The following PTGDS variants were observed in gnomAD, a reference collection of about 807,000 sequenced individuals.
PTGDS encodes prostaglandin-H2 D-isomerase.
In PTGDS, 21 loss-of-function variants were observed where a neutral mutation model predicts 28.4. That is an observed-to-expected ratio of 0.74 (90% CI 0.52 to 1.07). The LOEUF is 1.07. PTGDS is among the 50% of genes least tolerant of loss of function. The pLI is 0.00. For synonymous variants in PTGDS, 102 were observed against 106.0 expected, an observed-to-expected ratio of 0.96 and a Z score of 0.23; for missense variants, 243 against 247.7, an observed-to-expected ratio of 0.98 and a Z score of 0.13.
intron 1 of PTGDS, chr9:136,978,778 G>A (rs1830411767): frequency 1.7e-6 from 1 of 580,064 alleles, no homozygotes; most frequent in South Asian, 1.9e-5. Context: ...CTGGGGCGGA[G>A]ATGTGAGGGG....
At chr9:136,980,990 CT>C in intron 6 of PTGDS, 135 bp downstream of exon 6, 2 of 1,318,666 alleles carry the variant, frequency 1.5e-6, no homozygotes, top group Non-Finnish European at 2.0e-6. Flanking sequence ...TTCCCGATGG[CT>C]GCAGTCCAGG....
intron 3 of PTGDS, chr9:136,979,696 C>T (rs1830424900): frequency 3.3e-6 from 2 of 606,798 alleles, no homozygotes; most frequent in South Asian, 1.9e-5. Context: ...GTTCTGGCAG[C>T]GACTTCTGCG....
intron 4 of PTGDS, 36 bp from the exon 5 acceptor site, chr9:136,980,147 C>A (rs936274105): frequency 1.2e-6 from 2 of 1,610,978 alleles, no homozygotes; most frequent in East Asian, 2.2e-5. Context: ...CAGCATCCCC[C>A]CCGCTGAGGC....
Position 136,979,148 on chromosome 9 carries a change from G to T in PTGDS, c.254+16G>T. On this transcript the variant is annotated intron_variant, in intron 2 of 6. Coordinates refer to ENST00000371625, the MANE Select transcript of PTGDS (RefSeq NM_000954.6). ...CCTTCCTCAGGTGGGACAGCGGGCAGGTGGGTTTCTGGGACGGAGAGGTCC... is the reference window on the plus strand; with the variant it reads ...CCTTCCTCAGGTGGGACAGCGGGCATGTGGGTTTCTGGGACGGAGAGGTCC... The T allele has an allele frequency of 6.2e-7, 1 of 1,612,998 alleles. No homozygotes were observed. The highest frequency in any genetic ancestry group is 8.5e-7 in the Non-Finnish European group (1 of 1,179,832).
intron 5 of PTGDS, 101 bp downstream of exon 5, chr9:136,980,385 C>T: frequency 7.7e-7 from 1 of 1,306,130 alleles, no homozygotes; most frequent in East Asian, 2.4e-5. Context: ...GTGGCCCCGC[C>T]CTGCTCGAGG....
intron 1 of PTGDS, 41 bp from the exon 2 acceptor site, chr9:136,978,952 G>C: frequency 5.0e-6 from 8 of 1,596,792 alleles, no homozygotes; most frequent in Non-Finnish European, 5.9e-6. Context: ...AGGTGGGTCC[G>C]GAGGGTCCTG....
chr9:136,980,307 G>T, intron 5 of PTGDS, 23 bp downstream of exon 5: 1 of 1,609,792 alleles, frequency 6.2e-7, no homozygotes, highest in South Asian at 1.1e-5. Flanking sequence ...AATCTGATGG[G>T]GAGAGGATCA....
chr9:136,979,550 C>T (rs1830423730), intron 3 of PTGDS: 1 of 1,198,086 alleles, frequency 8.3e-7, no homozygotes, highest in Non-Finnish European at 1.2e-6. Context: ...CTTCCCTGCC[C>T]TCTGGAGTTT....
Position 136,978,989 on chromosome 9 carries a change from G to T in PTGDS, c.115-4G>T. 1 of 1,605,978 alleles carries T rather than the reference G, an allele frequency of 6.2e-7. No individual in the cohort carries two copies. The highest frequency in any genetic ancestry group is 1.1e-5 in the South Asian group (1 of 90,838). On this transcript the variant is annotated splice_region_variant and splice_polypyrimidine_tract_variant and intron_variant, in intron 1 of 6. Transcript: ENST00000371625. ...CCGACGCGGGTGGGGGTCGCTCGCCGCAGTTCCTGGGGCGCTGGTTCAGCG... is the reference window on the plus strand; with the variant it reads ...CCGACGCGGGTGGGGGTCGCTCGCCTCAGTTCCTGGGGCGCTGGTTCAGCG...
In PTGDS at chr9:136,979,390, A is replaced by G. The variant is rs760651462; in HGVS notation, c.331+91A>G. ...GGCCAGCCCCCTGCCGCGGAGATCC[A>G]TGGGGTGGGAGGTGATGGCTGCCCC... On this transcript the variant is annotated intron_variant, in intron 3 of 6. Transcript: ENST00000371625. 13 of 1,575,168 alleles carry G rather than the reference A, an allele frequency of 8.3e-6. No homozygotes were observed. In the East Asian group the frequency reaches 2.1e-4, roughly 25 times the overall value.
chr9:136,980,232 C>T lies in PTGDS; in HGVS notation c.498C>T (p.Phe166=). ...RAELKEKFTA[F]CKAQGFTEDT... ...AGTTAAAGGAGAAATTCACCGCCTTCTGCAAGGCCCAGGGCTTCACAGAGG... is the reference window on the plus strand; with the variant it reads ...AGTTAAAGGAGAAATTCACCGCCTTTTGCAAGGCCCAGGGCTTCACAGAGG... Residue 166 remains phenylalanine, a synonymous_variant, in exon 5 of 7, where the codon TTC becomes TTT. Transcript: ENST00000371625. The T allele has an allele frequency of 6.2e-7, 1 of 1,614,142 alleles. No individual in the cohort carries two copies. The highest frequency in any genetic ancestry group is 8.5e-7 in the Non-Finnish European group (1 of 1,180,004).
In PTGDS at chr9:136,978,974, T is replaced by G. The variant is rs1588486843; in HGVS notation, c.115-19T>G. The G allele has an allele frequency of 6.3e-7, 1 of 1,598,318 alleles. No homozygotes were observed. The highest frequency in any genetic ancestry group is 8.5e-7 in the Non-Finnish European group (1 of 1,177,170). ...TCCGGAGGGTCCTGGCCGACGCGGG[T>G]GGGGGTCGCTCGCCGCAGTTCCTGG... On this transcript the variant is annotated intron_variant, in intron 1 of 6. Transcript: ENST00000371625.
At position 136,977,525 on chromosome 9, in the gene PTGDS, C is replaced by T. The variant is rs1830380658; in HGVS notation, c.-54C>T. The T allele has an allele frequency of 7.4e-6, 10 of 1,356,850 alleles. No individual in the cohort carries two copies. Among genetic ancestry groups the T allele is most frequent in the Non-Finnish European group, 1.0e-5 (10 of 984,364 alleles). 84.1% of individuals were successfully genotyped at this position (1,356,850 alleles called of 1,614,324 possible). A position where few individuals can be genotyped will look rare whatever the true frequency, so the allele number is the denominator to read the frequency against. The stretch of plus-strand genomic sequence containing the variant: ...CTCCGCTCCTCCTGCACACCTCCCT[C>T]GCTCTCCCACACCACTGGCACCAGG... On this transcript the variant is annotated 5_prime_UTR_variant, in exon 1 of 7. Coordinates refer to ENST00000371625, the MANE Select transcript of PTGDS (RefSeq NM_000954.6).
In PTGDS at chr9:136,979,968, G is replaced by T; in HGVS notation, c.354G>T (p.Val118=). The change falls in exon 4 of 7, where the codon GTG becomes GTT. Residue 118 remains valine (V), a synonymous_variant. Transcript: ENST00000371625. ...CAGACTGGGGCAGCACCTACTCCGT[G>T]TCAGTGGTGGAGACCGACTACGACC... ...RSPHWGSTYS[V]SVVETDYDQY... is the part of the protein sequence containing the mutation. The T allele has an allele frequency of 6.2e-7, 1 of 1,613,290 alleles. No homozygotes were observed. The highest frequency in any genetic ancestry group is 1.1e-5 in the South Asian group (1 of 91,090).
intron 1 of PTGDS, among the ~76,000 whole-genome samples, chr9:136,978,616 G>C (rs1167968665): frequency 7.3e-6 from 1 of 136,578 alleles, no homozygotes; most frequent in Admixed American, 7.2e-5. Context: ...GGCATGGGGC[G>C]TGAGGGGCGC....
Position 136,979,904 on chromosome 9 carries a change from G to T in PTGDS, c.332-42G>T, listed in dbSNP as rs770453390. 73 of 1,563,748 alleles carry T rather than the reference G, an allele frequency of 4.7e-5. No individual in the cohort carries two copies. The East Asian group carries it at 1.6e-3, about 35-fold the overall frequency. On this transcript the variant is annotated intron_variant, in intron 3 of 6. Transcript: ENST00000371625. ...CTTCCCTGAAGCAGAGGTGAGGTTTGGGGGGCTGAGTCCCCGACAGGGTTG... is the reference window on the plus strand; with the variant it reads ...CTTCCCTGAAGCAGAGGTGAGGTTTTGGGGGCTGAGTCCCCGACAGGGTTG...
chr9:136,981,629 C>G lies in PTGDS; in HGVS notation c.*51C>G, dbSNP rs916931068. The G allele has an allele frequency of 1.3e-5, 2 of 152,486 alleles. No individual in the cohort carries two copies. Among genetic ancestry groups the G allele is most frequent in the Non-Finnish European group, 2.9e-5 (2 of 68,280 alleles). 9.4% of individuals were successfully genotyped at this position (152,486 alleles called of 1,614,324 possible). A position where few individuals can be genotyped will look rare whatever the true frequency, so the allele number is the denominator to read the frequency against. On this transcript the variant is annotated 3_prime_UTR_variant, in exon 7 of 7. Coordinates refer to ENST00000371625, the MANE Select transcript of PTGDS (RefSeq NM_000954.6). ...CCCGGCCAGCCAGGTGACCCCCACG[C>G]TCTGGATGTCTCTGCTCTGTTCCTT...
rs1370421717 is a variant in PTGDS, at chr9:136,979,826, G to T, written c.332-120G>T. The T allele has an allele frequency of 2.3e-5, 22 of 939,208 alleles. No individual in the cohort carries two copies. In the East Asian group the frequency reaches 4.3e-4, roughly 18 times the overall value. The allele number at this position is 939,208 out of a possible 1,614,324, so 58.2% of individuals were successfully genotyped here. ...GGCTGGAGAGCAGCCGGGTGGGGGA[G>T]CATCCCGGGCCAGCCGAGGGGCTGA... is the stretch of plus-strand genomic sequence containing the variant. On this transcript the variant is annotated intron_variant, in intron 3 of 6. Coordinates refer to ENST00000371625, the MANE Select transcript of PTGDS (RefSeq NM_000954.6).
rs530539546 is a variant in PTGDS at position 136,977,562 on chromosome 9, C to A, written c.-17C>A. The stretch of plus-strand genomic sequence containing the variant: ...CCACTGGCACCAGGCCCCGGACACC[C>A]GCTCTGCTGCAGGAGAATGGCTACT... On this transcript the variant is annotated 5_prime_UTR_variant, in exon 1 of 7. Transcript: ENST00000371625. 2.7e-5 allele frequency: 43 copies of A among 1,568,676 alleles called. No homozygotes were observed. Among genetic ancestry groups the A allele is most frequent in the Non-Finnish European group, 3.7e-5 (43 of 1,151,992 alleles).
Sources: allele counts gnomAD v4.1 joint callset (sites outside exome capture counted in the v4.1 genomes callset), GRCh38; gene constraint gnomAD v4.1.1; transcripts MANE v1.5; gene names NCBI Gene and HGNC (gene_info 2026-07-23, HGNC 2026-07-21).